Variants in DENND1A observed in about 807,000 individuals in gnomAD.
DENND1A encodes the protein DENN domain-containing protein 1A.
Under a neutral mutation model 113.7 loss-of-function variants are expected in DENND1A, and 51 were observed. The observed-to-expected ratio is 0.45, with a 90% confidence interval of 0.36 to 0.57. The LOEUF (loss-of-function observed/expected upper bound fraction) is 0.57. Among genes scored for constraint, DENND1A ranks in the 20% least tolerant of loss-of-function variants. The probability of loss-of-function intolerance (pLI) is 0.00; values close to 1 mark genes in which losing one functional copy is unlikely to be tolerated. For missense variants in DENND1A, 1,258 were observed against 1,395.9 expected, an observed-to-expected ratio of 0.90 and a Z score of 1.57; for synonymous variants, 565 against 570.8, an observed-to-expected ratio of 0.99 and a Z score of 0.14.
In DENND1A at chr9:123,515,465, C is replaced by CA. The variant is rs551428467; in HGVS notation, c.993+42104dup. Among the ~76,000 whole-genome samples the CA allele has an allele frequency of 1.2e-4, 18 of 152,074 alleles. No homozygotes were observed. The South Asian group carries it at 2.3e-3, about 19-fold the overall frequency. Reference sequence around the variant, plus strand: ...AATGGTTCCGCAAAAATAAAGCAAACAAAATGAAAACAAAAACAAAACAAA... The same window carrying CA: ...AATGGTTCCGCAAAAATAAAGCAAACAAAAATGAAAACAAAAACAAAACAAA... On this transcript the variant is annotated intron_variant, in intron 13 of 23. Transcript: ENST00000394215.
intron 13 of DENND1A, among the ~76,000 whole-genome samples, chr9:123,552,312 C>T (rs117715503): frequency 0.011 from 1,689 of 152,310 alleles, 13 homozygotes; most frequent in Non-Finnish European, 0.018. Flanking sequence ...TCAGGACAGG[C>T]ACCGTGCTGG....
At chr9:123,742,054 C>A (rs2069072590) in intron 5 of DENND1A, among the ~76,000 whole-genome samples, 2 of 152,224 alleles carry the variant, frequency 1.3e-5, no homozygotes, top group African/African-American at 4.8e-5. Context: ...AGTTCAGTCT[C>A]CTCTGCACAT....
At chr9:123,840,147 C>T (rs1280979688) in intron 2 of DENND1A, among the ~76,000 whole-genome samples, 3 of 149,232 alleles carry the variant, frequency 2.0e-5, no homozygotes, top group Non-Finnish European at 4.4e-5. Flanking sequence ...ACATCCACCA[C>T]TCAAAAAAAA....
rs1053844157 is a variant in DENND1A, at chr9:123,764,449, G to A, written c.182+5065C>T. Among the ~76,000 whole-genome samples the A allele has an allele frequency of 1.3e-5, 2 of 152,054 alleles. No homozygotes were observed. Among genetic ancestry groups the A allele is most frequent in the African/African-American group, 4.8e-5 (2 of 41,392 alleles). On this transcript the variant is annotated intron_variant, in intron 4 of 23. Transcript: ENST00000394215. This position sits in a 1 kb window ranked among gnomAD's most constrained non-coding sequence, Gnocchi z 4.1. ...ACCACATCTCCCAGCCTTTAGTTCCGTAAGCCTCAAAGCTTCCTTCCACAA... is the reference window on the plus strand; with the variant it reads ...ACCACATCTCCCAGCCTTTAGTTCCATAAGCCTCAAAGCTTCCTTCCACAA...
chr9:123,921,074 C>T (rs1283178346), intron 1 of DENND1A, among the ~76,000 whole-genome samples: 1 of 152,070 alleles, frequency 6.6e-6, no homozygotes, highest in Non-Finnish European at 1.5e-5. Flanking sequence ...GAAGCAAATA[C>T]TTTGGTTTTT....
At chr9:123,920,660 A>G (rs1348685335) in intron 1 of DENND1A, among the ~76,000 whole-genome samples, 1 of 152,110 alleles carries the variant, frequency 6.6e-6, no homozygotes, top group Non-Finnish European at 1.5e-5. Context: ...CCCGGGTTCA[A>G]GCAGTTCTCA....
At chr9:123,464,517 G>T (rs745932705) in intron 13 of DENND1A, among the ~76,000 whole-genome samples, 2 of 152,172 alleles carry the variant, frequency 1.3e-5, no homozygotes, top group African/African-American at 4.8e-5. Context: ...CCACTTGTAT[G>T]AGGTACCTAG....
intron 2 of DENND1A, among the ~76,000 whole-genome samples, chr9:123,854,663 C>G (rs532622849): frequency 3.8e-4 from 58 of 150,808 alleles, no homozygotes; most frequent in Non-Finnish European, 7.4e-4. Context: ...CCATTGCACT[C>G]CAGCCTGGGT....
chr9:123,748,208 A>G (rs1300163711), intron 5 of DENND1A, among the ~76,000 whole-genome samples: 1 of 152,214 alleles, frequency 6.6e-6, no homozygotes, highest in African/African-American at 2.4e-5. Flanking sequence ...TAATAAGTGA[A>G]AAAGCTAGAT....
In DENND1A at chr9:123,757,685, C is replaced by CT; in HGVS notation, c.302+17_302+18insA. 1 of 1,612,622 alleles carries CT rather than the reference C, an allele frequency of 6.2e-7. No homozygotes were observed. The highest frequency in any genetic ancestry group is 8.5e-7 in the Non-Finnish European group (1 of 1,179,142). On this transcript the variant is annotated intron_variant, in intron 5 of 23. Coordinates refer to ENST00000394215, the MANE Select transcript of DENND1A (RefSeq NM_001352964.2). ...TTGCTTCAGAGAACAAGCCAACAGC[C>CT]CAAGCCTTCTCCCTTACCTTAAGAT...
In DENND1A at chr9:123,510,463, C is replaced by T. The variant is rs180864311; in HGVS notation, c.993+47107G>A. ...GTGTGGCACTTTCCATTTTAAGCAG[C>T]ATGTATGCACCTGCCATTTTTTGTG... is the stretch of plus-strand genomic sequence containing the variant. On this transcript the variant is annotated intron_variant, in intron 13 of 23. Coordinates refer to ENST00000394215, the MANE Select transcript of DENND1A (RefSeq NM_001352964.2). Among the ~76,000 whole-genome samples the T allele has an allele frequency of 4.0e-4, 61 of 152,354 alleles. 1 individual carries two copies. Among genetic ancestry groups the T allele is most frequent in the Non-Finnish European group, 5.3e-4 (36 of 68,036 alleles).
At position 123,792,650 on chromosome 9, in the gene DENND1A, A is replaced by G. The variant is rs1030600458; in HGVS notation, c.89-20T>C. 1 of 1,612,476 alleles carries G rather than the reference A, an allele frequency of 6.2e-7. No homozygotes were observed. Among genetic ancestry groups the G allele is most frequent in the Non-Finnish European group, 8.5e-7 (1 of 1,178,960 alleles). ...CAGGATCTGTAAATAATTGACAGATAATATTAATTGGCTTTGGATTAGTGA... is the reference window on the plus strand; with the variant it reads ...CAGGATCTGTAAATAATTGACAGATGATATTAATTGGCTTTGGATTAGTGA... On this transcript the variant is annotated intron_variant, in intron 2 of 23. Transcript: ENST00000394215.
Position 123,671,513 on chromosome 9 carries a change from G to C in DENND1A, c.373-142C>G. The C allele has an allele frequency of 1.3e-5, 10 of 763,738 alleles. No homozygotes were observed. In the South Asian group the frequency reaches 1.8e-4, roughly 14 times the overall value. The allele number at this position is 763,738 out of a possible 1,614,324, so 47.3% of individuals were successfully genotyped here. ...AGAAATAGGTTTGATATTCATGTAGGGTTTGACAAAAGACACCACGTATGC... is the reference window on the plus strand; with the variant it reads ...AGAAATAGGTTTGATATTCATGTAGCGTTTGACAAAAGACACCACGTATGC... On this transcript the variant is annotated intron_variant, in intron 6 of 23. Transcript: ENST00000394215.
intron 5 of DENND1A, among the ~76,000 whole-genome samples, chr9:123,747,202 T>C (rs2069589754): frequency 6.6e-6 from 1 of 152,102 alleles, no homozygotes. Context: ...CCCACCACAC[T>C]CTTAAATCGG....
At chr9:123,525,394 G>A (rs565438592) in intron 13 of DENND1A, among the ~76,000 whole-genome samples, 6 of 152,210 alleles carry the variant, frequency 3.9e-5, no homozygotes, top group East Asian at 1.9e-4. Context: ...CTCTTTTTTC[G>A]AGGGCATCTC....
chr9:123,728,506 A>AAAAAAAAAAAAACAAAAAAAC (rs1564150268), intron 5 of DENND1A, among the ~76,000 whole-genome samples: 2 of 145,814 alleles, frequency 1.4e-5, no homozygotes, highest in African/African-American at 5.4e-5. Context: ...AAAAAAAAAA[A>AAAAAAAAAAAAACAAAAAAAC]AAAACAGGCA....
chr9:123,876,177 T>C (rs1339144988), intron 2 of DENND1A, among the ~76,000 whole-genome samples: 1 of 152,138 alleles, frequency 6.6e-6, no homozygotes, highest in Non-Finnish European at 1.5e-5. Flanking sequence ...ATCCAGGAAC[T>C]TTCTACAAAA....
chr9:123,515,173 A>G (rs2134720460), intron 13 of DENND1A, among the ~76,000 whole-genome samples: 1 of 152,386 alleles, frequency 6.6e-6, no homozygotes, highest in Middle Eastern at 3.4e-3. Context: ...GCCCAAGTAC[A>G]TTAAGCAAGA....
Position 123,381,252 on chromosome 9 carries a change from T to C in DENND1A, c.*180A>G, listed in dbSNP as rs1364102409. On this transcript the variant is annotated 3_prime_UTR_variant, in exon 24 of 24. Coordinates refer to ENST00000394215, the MANE Select transcript of DENND1A (RefSeq NM_001352964.2). The surrounding 1 kb of genome is among the most constrained non-coding windows in gnomAD (Gnocchi z 4.7). Reference sequence around the variant, plus strand: ...GATTCCCAGGCTGGAACTGGTGCCATTCCCCAGGGCCAGACATCAGAGATG... The same window carrying C: ...GATTCCCAGGCTGGAACTGGTGCCACTCCCCAGGGCCAGACATCAGAGATG... The C allele has an allele frequency of 1.5e-6, 1 of 651,464 alleles. No homozygotes were observed. The highest frequency in any genetic ancestry group is 2.6e-6 in the Non-Finnish European group (1 of 384,246). The allele number at this position is 651,464 out of a possible 1,614,324, so 40.4% of individuals were successfully genotyped here.
Sources: allele counts gnomAD v4.1 joint callset (sites outside exome capture counted in the v4.1 genomes callset), GRCh38; gene constraint gnomAD v4.1.1; non-coding constraint Gnocchi (gnomAD v3.1); transcripts MANE v1.5; gene names NCBI Gene and HGNC (gene_info 2026-07-23, HGNC 2026-07-21).